The following PDE1A variants were observed in gnomAD, a reference collection of about 807,000 sequenced individuals.
PDE1A encodes the protein phosphodiesterase 1A, also known as dual specificity calcium/calmodulin-dependent 3',5'-cyclic nucleotide phosphodiesterase 1A.
PDE1A carries 35 observed loss-of-function variants against 61.7 expected under a neutral mutation model. The observed-to-expected ratio is 0.57, with a 90% CI of 0.43 to 0.75. The LOEUF is 0.75. Ranked by LOEUF, PDE1A falls within the 30% of genes least tolerant of loss-of-function variation. The probability of loss-of-function intolerance (pLI) is 0.00; values close to 1 mark genes in which losing one functional copy is unlikely to be tolerated. For synonymous variants in PDE1A, 232 were observed against 213.2 expected (o/e 1.09, Z -0.77); for missense variants, 597 against 630.6 (o/e 0.95, Z 0.57).
At chr2:182,348,512 T>C (rs1484144916) in intron 1 of PDE1A, among the ~76,000 whole-genome samples, 2 of 152,150 alleles carry the variant, frequency 1.3e-5, no homozygotes, top group East Asian at 3.8e-4. Flanking sequence ...TATTCTCTCA[T>C]GGTTCAGGGA....
intron 1 of PDE1A, among the ~76,000 whole-genome samples, chr2:182,329,053 A>G (rs1697229944): frequency 6.6e-6 from 1 of 152,212 alleles, no homozygotes; most frequent in African/African-American, 2.4e-5. Context: ...TAATAACTTC[A>G]AATATAAACA....
At chr2:182,526,633 T>G (rs1433057702), upstream of PDE1A, among the ~76,000 whole-genome samples, 1 of 152,214 alleles carries the variant, frequency 6.6e-6, no homozygotes, top group African/African-American at 2.4e-5. Flanking sequence ...ATCTATGAGT[T>G]TGATTAAACT....
chr2:182,431,121 T>TA (rs538631665), upstream of PDE1A, among the ~76,000 whole-genome samples: 493 of 121,508 alleles, frequency 4.1e-3, 4 homozygotes, highest in Middle Eastern at 8.6e-3. Context: ...AAAAAAACAT[T>TA]AAAAAAAAAA....
At chr2:182,481,422 T>C (rs930727068) in intron 2 of PDE1A, among the ~76,000 whole-genome samples, 2 of 151,952 alleles carry the variant, frequency 1.3e-5, no homozygotes, top group African/African-American at 4.8e-5. Flanking sequence ...ATCCATTTTT[T>C]TGAATAGCTC....
chr2:182,147,535 T>C (rs1482655568), intron 13 of PDE1A, among the ~76,000 whole-genome samples: 1 of 152,226 alleles, frequency 6.6e-6, no homozygotes, highest in African/African-American at 2.4e-5. Context: ...ATACATTGCT[T>C]AGTTGCTATG....
chr2:182,534,357 T>G, the PDE1A span, among the ~76,000 whole-genome samples: 902 of 152,144 alleles, frequency 5.9e-3, 10 homozygotes, highest in African/African-American at 0.021. Flanking sequence ...AAAACAAATT[T>G]GCATAGAAAA....
chr2:182,519,079 C>T (rs984079872), intron 2 of PDE1A, among the ~76,000 whole-genome samples: 1 of 152,034 alleles, frequency 6.6e-6, no homozygotes, highest in Non-Finnish European at 1.5e-5. Context: ...AATCTTCAAA[C>T]CAACTTTCCA....
chr2:182,174,174 C>T (rs1692511147), intron 13 of PDE1A, among the ~76,000 whole-genome samples: 2 of 152,008 alleles, frequency 1.3e-5, no homozygotes, highest in African/African-American at 2.4e-5. Flanking sequence ...ATTCATTCTC[C>T]CTGAGCAGCT....
At chr2:182,176,894 A>T (rs892663792) in intron 13 of PDE1A, among the ~76,000 whole-genome samples, 9 of 149,404 alleles carry the variant, frequency 6.0e-5, no homozygotes, top group Non-Finnish European at 1.2e-4. Flanking sequence ...TTTTAGCATG[A>T]AGAGTTGTTG....
intron 1 of PDE1A, among the ~76,000 whole-genome samples, chr2:182,379,536 T>G (rs1489600134): frequency 6.6e-6 from 1 of 152,160 alleles, no homozygotes; most frequent in Non-Finnish European, 1.5e-5. Context: ...CTGGCTGAAC[T>G]TTAACAGCAC....
the PDE1A span, among the ~76,000 whole-genome samples, chr2:182,585,586 T>C: frequency 4.6e-5 from 7 of 152,294 alleles, no homozygotes; most frequent in African/African-American, 1.7e-4. Flanking sequence ...TTTCTTAATC[T>C]TACACTTTCT....
At chr2:182,149,473 G>T (rs952395288) in intron 13 of PDE1A, among the ~76,000 whole-genome samples, 1 of 152,136 alleles carries the variant, frequency 6.6e-6, no homozygotes, top group African/African-American at 2.4e-5. Flanking sequence ...GAGTTTCGTA[G>T]CACTGAAAAA....
intron 1 of PDE1A, among the ~76,000 whole-genome samples, chr2:182,286,177 C>T (rs193152064): frequency 2.4e-4 from 37 of 152,176 alleles, no homozygotes; most frequent in Admixed American, 2.2e-3. Context: ...GAGGGCACTT[C>T]GAGAGCTCAA....
the PDE1A span, among the ~76,000 whole-genome samples, chr2:182,658,047 T>TAAAAAAAAAAAAAAAAAAAAAAA: frequency 1.5e-5 from 1 of 66,662 alleles, no homozygotes; most frequent in African/African-American, 6.9e-5. Context: ...AGCTTCTCAG[T>TAAAAAAAAAAAAAAAAAAAAAAA]AAAAAAAAAA....
At chr2:182,232,670 T>G (rs1405714398) in intron 4 of PDE1A, among the ~76,000 whole-genome samples, 1 of 152,222 alleles carries the variant, frequency 6.6e-6, no homozygotes, top group Admixed American at 6.5e-5. Context: ...TATCTCTTTA[T>G]ATATTAAAAG....
intron 1 of PDE1A, among the ~76,000 whole-genome samples, chr2:182,328,721 C>G (rs1697209228): frequency 6.6e-6 from 1 of 152,054 alleles, no homozygotes; most frequent in African/African-American, 2.4e-5. Flanking sequence ...ATGAGGAGAT[C>G]AAGGAACTGA....
At chr2:182,276,767 C>T (rs1240685357) in intron 1 of PDE1A, among the ~76,000 whole-genome samples, 1 of 151,968 alleles carries the variant, frequency 6.6e-6, no homozygotes, top group African/African-American at 2.4e-5. Flanking sequence ...TCACTGAATT[C>T]TTTTCCTAGC....
At chr2:182,644,636 C>T in the PDE1A span, among the ~76,000 whole-genome samples, 1 of 152,062 alleles carries the variant, frequency 6.6e-6, no homozygotes, top group African/African-American at 2.4e-5. Flanking sequence ...TGACCTTTGG[C>T]AAGGACGTCA....
At chr2:182,666,068 A>T in the PDE1A span, among the ~76,000 whole-genome samples, 16 of 152,146 alleles carry the variant, frequency 1.1e-4, no homozygotes, top group East Asian at 2.3e-3. Context: ...GCCTGTCAGC[A>T]GGGAGGGAGA....
Sources: allele counts gnomAD v4.1 joint callset (sites outside exome capture counted in the v4.1 genomes callset), GRCh38; gene constraint gnomAD v4.1.1; transcripts MANE v1.5; gene names NCBI Gene and HGNC (gene_info 2026-07-23, HGNC 2026-07-21).